Variants in LHFPL3 observed in about 807,000 individuals in gnomAD.
LHFPL3 encodes LHFPL tetraspan subfamily member 3 protein.
LHFPL3 carries 5 observed loss-of-function variants against 19.3 expected under a neutral mutation model. The ratio of observed to expected loss-of-function variants is 0.26; its 90% CI spans 0.14 to 0.54. The LOEUF (loss-of-function observed/expected upper bound fraction) is 0.54. Ranked by LOEUF, LHFPL3 falls within the 20% of genes least tolerant of loss-of-function variation. The pLI is 0.94. For synonymous variants in LHFPL3, 133 were observed against 126.2 expected (o/e 1.05, Z -0.36); for missense variants, 249 against 307.4 (o/e 0.81, Z 1.42).
chr7:104,804,148 A>G (rs1483745278), intron 2 of LHFPL3: 1 of 152,220 alleles, frequency 6.6e-6, no homozygotes, highest in East Asian at 1.9e-4. Context: ...AGGATTCCCA[A>G]GAAAGTTTCC....
At chr7:104,854,125 G>T (rs1323545254) in intron 2 of LHFPL3, among the ~76,000 whole-genome samples, 2 of 152,118 alleles carry the variant, frequency 1.3e-5, no homozygotes, top group Non-Finnish European at 2.9e-5. Context: ...CGTATACATA[G>T]GAGATACCCA....
intron 1 of LHFPL3, among the ~76,000 whole-genome samples, chr7:104,505,226 G>A (rs962864344): frequency 6.6e-6 from 1 of 152,156 alleles, no homozygotes; most frequent in Non-Finnish European, 1.5e-5. Context: ...CATATAACCA[G>A]TGGAATTTTT....
At chr7:104,362,971 C>T (rs1420441314) in intron 1 of LHFPL3, among the ~76,000 whole-genome samples, 4 of 152,234 alleles carry the variant, frequency 2.6e-5, no homozygotes, top group Non-Finnish European at 5.9e-5. Flanking sequence ...AAACACCAAT[C>T]TTAGGTTTTA....
intron 1 of LHFPL3, among the ~76,000 whole-genome samples, chr7:104,484,754 G>T (rs776240545): frequency 8.5e-5 from 13 of 152,194 alleles, no homozygotes; most frequent in East Asian, 5.8e-4. Context: ...CATCCCATGA[G>T]GGGGGAAGGC....
chr7:104,657,477 A>G (rs1176344639), intron 1 of LHFPL3, among the ~76,000 whole-genome samples: 2 of 152,228 alleles, frequency 1.3e-5, no homozygotes, highest in Admixed American at 6.5e-5. Context: ...TGGATATACC[A>G]ATGTCTTGTT....
chr7:104,522,777 A>G (rs576362006), intron 1 of LHFPL3, among the ~76,000 whole-genome samples: 4 of 152,300 alleles, frequency 2.6e-5, no homozygotes, highest in South Asian at 4.1e-4. Context: ...GGCTCACAGC[A>G]TGGTGCAGGA....
At chr7:104,786,973 T>C (rs1450527953) in intron 2 of LHFPL3, among the ~76,000 whole-genome samples, 1 of 152,224 alleles carries the variant, frequency 6.6e-6, no homozygotes, top group Non-Finnish European at 1.5e-5. Flanking sequence ...GTAGGCCTAG[T>C]TGCAATCTGA....
At chr7:104,800,569 A>G (rs369275293) in intron 2 of LHFPL3, among the ~76,000 whole-genome samples, 2 of 152,280 alleles carry the variant, frequency 1.3e-5, no homozygotes, top group African/African-American at 4.8e-5. Context: ...CAACTGTCAA[A>G]TGCAGGATGT....
intron 1 of LHFPL3, among the ~76,000 whole-genome samples, chr7:104,474,954 G>T (rs1399644357): frequency 1.3e-5 from 2 of 152,190 alleles, no homozygotes; most frequent in African/African-American, 4.8e-5. Flanking sequence ...TGGGTATGGT[G>T]AAAGAAGACT....
chr7:104,436,577 G>A (rs899849108), intron 1 of LHFPL3, among the ~76,000 whole-genome samples: 4 of 152,140 alleles, frequency 2.6e-5, no homozygotes, highest in Admixed American at 6.5e-5. Context: ...TTGTGATATA[G>A]CAATCTGAAG....
chr7:104,779,575 GA>G (rs1794686387), intron 2 of LHFPL3, among the ~76,000 whole-genome samples: 1 of 152,080 alleles, frequency 6.6e-6, no homozygotes, highest in Admixed American at 6.5e-5. Context: ...CACAGGATCT[GA>G]ACTCCATGCG....
At chr7:104,577,488 A>G (rs1205714174) in intron 1 of LHFPL3, among the ~76,000 whole-genome samples, 2 of 152,160 alleles carry the variant, frequency 1.3e-5, no homozygotes, top group African/African-American at 4.8e-5. Flanking sequence ...ACACATACCT[A>G]TATATATGTG....
At chr7:104,409,025 C>T (rs1264840115) in intron 1 of LHFPL3, among the ~76,000 whole-genome samples, 4 of 129,776 alleles carry the variant, frequency 3.1e-5, no homozygotes, top group Admixed American at 8.6e-5. Flanking sequence ...CCACCACGCC[C>T]GGCTAATTTT....
intron 1 of LHFPL3, among the ~76,000 whole-genome samples, chr7:104,606,350 T>G (rs1791102642): frequency 6.6e-6 from 1 of 152,232 alleles, no homozygotes; most frequent in East Asian, 1.9e-4. Flanking sequence ...TTATCGTTTT[T>G]CTGCAAATTC....
intron 1 of LHFPL3, among the ~76,000 whole-genome samples, chr7:104,722,570 A>G (rs1169711210): frequency 6.6e-6 from 1 of 152,228 alleles, no homozygotes; most frequent in Non-Finnish European, 1.5e-5. Flanking sequence ...TGTTTTCAGA[A>G]GAGACCAAGG....
chr7:104,334,363 A>T (rs1264115671), intron 1 of LHFPL3, among the ~76,000 whole-genome samples: 1 of 152,214 alleles, frequency 6.6e-6, no homozygotes, highest in East Asian at 1.9e-4. Flanking sequence ...CCTGGCCAAC[A>T]TGGTGAAACC....
At chr7:104,543,619 A>G (rs1794528142) in intron 1 of LHFPL3, among the ~76,000 whole-genome samples, 1 of 151,958 alleles carries the variant, frequency 6.6e-6, no homozygotes, top group South Asian at 2.1e-4. Context: ...TTGTAGGGAC[A>G]CGGATGAAAC....
intron 2 of LHFPL3, among the ~76,000 whole-genome samples, chr7:104,789,589 C>T (rs988878416): frequency 5.3e-5 from 8 of 152,058 alleles, no homozygotes; most frequent in African/African-American, 7.2e-5. Context: ...CTCCTATTTT[C>T]GAGTGTCAGT....
At chr7:104,391,744 G>A (rs974622993) in intron 1 of LHFPL3, among the ~76,000 whole-genome samples, 3 of 152,074 alleles carry the variant, frequency 2.0e-5, no homozygotes, top group Admixed American at 2.0e-4. Context: ...AGCTTGATGG[G>A]GATGGCACTG....
Sources: allele counts gnomAD v4.1 joint callset (sites outside exome capture counted in the v4.1 genomes callset), GRCh38; gene constraint gnomAD v4.1.1; transcripts MANE v1.5; gene names NCBI Gene and HGNC (gene_info 2026-07-23, HGNC 2026-07-21).